The following ITGA1 variants were observed in gnomAD, a reference collection of about 807,000 sequenced individuals.
ITGA1 encodes the protein integrin subunit alpha 1.
A neutral mutation model predicts 145.9 loss-of-function variants in ITGA1; 85 were observed. The observed-to-expected ratio is 0.58, with a 90% CI of 0.49 to 0.70. The LOEUF (loss-of-function observed/expected upper bound fraction) is 0.70, where lower values mean the gene tolerates loss of function less well. ITGA1 is among the 30% of genes least tolerant of loss of function. The pLI, the probability that ITGA1 is intolerant of heterozygous loss-of-function variation, is 0.00. For synonymous variants in ITGA1, 520 were observed against 495.3 expected (o/e 1.05, Z -0.66); for missense variants, 1,351 against 1,418.7 (o/e 0.95, Z 0.77).
chr5:52,937,485 CTGTACCCAACTGGAT>C lies in ITGA1; in HGVS notation c.3053_3067del (p.Tyr1018_Leu1022del). On this transcript the variant is annotated inframe_deletion, in exon 24 of 29. Transcript: ENST00000282588. ...TATGACATCAAATGGTTACCCTGTG[CTGTACCCAACTGGAT>C]TGTCATCTTCTGAGGTAAGTCATGT... is the stretch of plus-strand genomic sequence containing the variant. 1 of 1,609,632 alleles carries C rather than the reference CTGTACCCAACTGGAT, an allele frequency of 6.2e-7. No homozygotes were observed. Among genetic ancestry groups the C allele is most frequent in the Non-Finnish European group, 8.5e-7 (1 of 1,175,962 alleles).
At chr5:52,929,208 A>G (rs1471414775) in intron 20 of ITGA1, among the ~76,000 whole-genome samples, 1 of 152,128 alleles carries the variant, frequency 6.6e-6, no homozygotes, top group Non-Finnish European at 1.5e-5. Flanking sequence ...TTCATGCTTC[A>G]TAGAAGATGT....
chr5:52,870,186 A>ATTTG (rs976243974), intron 6 of ITGA1, among the ~76,000 whole-genome samples: 1 of 152,062 alleles, frequency 6.6e-6, no homozygotes, highest in Non-Finnish European at 1.5e-5. Context: ...AATCCATTTG[A>ATTTG]TTTGTTTGTT....
At chr5:52,949,896 G>A (rs1751192610) in intron 28 of ITGA1, among the ~76,000 whole-genome samples, 1 of 104,124 alleles carries the variant, frequency 9.6e-6, no homozygotes, top group Admixed American at 9.4e-5. Context: ...GACACCTCAG[G>A]ACTATCCCTT....
chr5:52,870,218 G>C (rs953633841), intron 6 of ITGA1, among the ~76,000 whole-genome samples: 4 of 152,024 alleles, frequency 2.6e-5, no homozygotes, highest in Admixed American at 2.0e-4. Context: ...AGTTTTATTT[G>C]TTTCTTTTAA....
At position 52,909,005 on chromosome 5, in the gene ITGA1, G is replaced by C; in HGVS notation, c.1563G>C (p.Glu521Asp). The change falls in exon 13 of 29, where the codon GAG becomes GAC. Residue 521 changes from glutamate (E) to aspartate (D), a missense_variant. Transcript: ENST00000282588. ...GAPMYMGTEK[E>D]EQGKVYVYAL... is the part of the protein sequence containing the mutation. ...CTATGTACATGGGAACAGAGAAGGA[G>C]GAGCAAGGAAAAGTGTATGTGTATG... 6.2e-7 allele frequency: 1 copy of C among 1,613,874 alleles called. No homozygotes were observed. Among genetic ancestry groups the C allele is most frequent in the African/African-American group, 1.3e-5 (1 of 75,016 alleles).
chr5:52,791,099 G>A (rs1027993349), intron 1 of ITGA1, among the ~76,000 whole-genome samples: 2 of 152,034 alleles, frequency 1.3e-5, no homozygotes, highest in East Asian at 1.9e-4. Context: ...TCCTTACAAC[G>A]TTTACTAAAA....
At chr5:52,928,933 CA>C (rs1219318390) in intron 20 of ITGA1, among the ~76,000 whole-genome samples, 2 of 152,098 alleles carry the variant, frequency 1.3e-5, no homozygotes, top group Non-Finnish European at 2.9e-5. Flanking sequence ...TCTCATCTCC[CA>C]AAAAGTCAGA....
chr5:52,921,907 A>C (rs576342698), intron 17 of ITGA1, among the ~76,000 whole-genome samples: 2 of 152,336 alleles, frequency 1.3e-5, no homozygotes, highest in South Asian at 4.1e-4. Flanking sequence ...GCAATAATGT[A>C]TATAAAGCTC....
At chr5:52,858,657 C>T (rs184541994) in intron 2 of ITGA1, among the ~76,000 whole-genome samples, 64 of 152,152 alleles carry the variant, frequency 4.2e-4, no homozygotes, top group Admixed American at 2.0e-3. Flanking sequence ...TATTCCATTA[C>T]GTATTTTACA....
At chr5:52,944,658 C>T (rs1317638917) in intron 26 of ITGA1, among the ~76,000 whole-genome samples, 1 of 152,088 alleles carries the variant, frequency 6.6e-6, no homozygotes, top group Non-Finnish European at 1.5e-5. Flanking sequence ...TAAAGGTAGG[C>T]AGAGTTTGAG....
In ITGA1 at chr5:52,843,244, T is replaced by C. The variant is rs1385325336; in HGVS notation, c.62-6121T>C. Among the ~76,000 whole-genome samples the C allele has an allele frequency of 2.0e-5, 3 of 152,318 alleles. No individual in the cohort carries two copies. In the East Asian group the frequency reaches 5.8e-4, roughly 29 times the overall value. On this transcript the variant is annotated intron_variant, in intron 1 of 28. Transcript: ENST00000282588. The stretch of plus-strand genomic sequence containing the variant: ...TAATCTTATGTCATTATTTCATTCC[T>C]TATGTTAAAAATAATAAAAATAATG...
intron 23 of ITGA1, among the ~76,000 whole-genome samples, chr5:52,937,011 G>T (rs1174065267): frequency 6.6e-6 from 1 of 150,614 alleles, no homozygotes; most frequent in East Asian, 2.0e-4. Context: ...TTGTTCCGTG[G>T]TCTCCCTTCT....
At chr5:52,893,404 GT>G (rs1230636723) in intron 8 of ITGA1, among the ~76,000 whole-genome samples, 1 of 152,142 alleles carries the variant, frequency 6.6e-6, no homozygotes, top group African/African-American at 2.4e-5. Flanking sequence ...ACAGCTGTTA[GT>G]AACAGGGACA....
At chr5:52,904,503 A>G (rs1750365869) in intron 11 of ITGA1, 4 of 152,236 alleles carry the variant, frequency 2.6e-5, no homozygotes, top group Admixed American at 2.6e-4. Context: ...ATATGCAAAT[A>G]AAATCAAAAG....
At chr5:52,863,879 A>G (rs536270801) in intron 3 of ITGA1, 55 of 152,332 alleles carry the variant, frequency 3.6e-4, no homozygotes, top group African/African-American at 1.2e-3. Flanking sequence ...GGTGCTTTCA[A>G]AGCAAACCAG....
In ITGA1 at chr5:52,879,220, G is replaced by C. The variant is rs148767155; in HGVS notation, c.625-2653G>C. 2.6e-3 allele frequency among the ~76,000 whole-genome samples: 390 copies of C among 152,076 alleles called. 2 individuals carry two copies. Among genetic ancestry groups the C allele is most frequent in the African/African-American group, 9.1e-3 (379 of 41,488 alleles). ...TTCCACAGATTATCAGTGGATACTAGATTAATAGATTATTAAGTAGATGCC... is the reference window on the plus strand; with the variant it reads ...TTCCACAGATTATCAGTGGATACTACATTAATAGATTATTAAGTAGATGCC... On this transcript the variant is annotated intron_variant, in intron 6 of 28. Transcript: ENST00000282588.
rs61600951 is a variant in ITGA1 at position 52,812,789 on chromosome 5, CTTTTT to C, written c.61+24399_61+24403del. On this transcript the variant is annotated intron_variant, in intron 1 of 28. Transcript: ENST00000282588. Reference sequence around the variant, plus strand: ...AAGTTCATTTTGTTCCTTCTTATCGCTTTTTTTTTTTTTTTTTTTTTTTTTTTTGC... The same window carrying C: ...AAGTTCATTTTGTTCCTTCTTATCGCTTTTTTTTTTTTTTTTTTTTTTTGC... Among the ~76,000 whole-genome samples the C allele has an allele frequency of 1.0e-2, 856 of 85,874 alleles. 5 individuals carry two copies. In the East Asian group the frequency reaches 0.12, roughly 12 times the overall value. The allele number at this position is 85,874 out of a possible 152,430, so 56.3% of individuals were successfully genotyped here. A position where few individuals can be genotyped will look rare whatever the true frequency, so the allele number is the denominator to read the frequency against.
intron 1 of ITGA1, among the ~76,000 whole-genome samples, chr5:52,813,666 T>C (rs989595904): frequency 4.9e-4 from 74 of 152,278 alleles, no homozygotes; most frequent in Admixed American, 2.2e-3. Flanking sequence ...GAGAATAATC[T>C]CTGAGTGTGA....
intron 14 of ITGA1, 69 bp downstream of exon 14, chr5:52,910,488 C>CT (rs1750488178): frequency 1.3e-6 from 2 of 1,494,316 alleles, no homozygotes; most frequent in Non-Finnish European, 1.8e-6. Flanking sequence ...CATTACCTGT[C>CT]TAACTTCATG....
Sources: allele counts gnomAD v4.1 joint callset (sites outside exome capture counted in the v4.1 genomes callset), GRCh38; gene constraint gnomAD v4.1.1; transcripts MANE v1.5; gene names NCBI Gene and HGNC (gene_info 2026-07-23, HGNC 2026-07-21).